RERG: variants seen among roughly 807,000 people sequenced by gnomAD.
The protein encoded by RERG is ras-related and estrogen-regulated growth inhibitor.
Under a neutral mutation model 23.2 loss-of-function variants are expected in RERG, and 25 were observed. The ratio of observed to expected loss-of-function variants is 1.08; its 90% confidence interval spans 0.79 to 1.50. RERG has a LOEUF of 1.50. Among genes scored for constraint, RERG ranks in the 40% most tolerant of loss-of-function variants. The probability of loss-of-function intolerance (pLI) is 0.00; values close to 1 mark genes in which losing one functional copy is unlikely to be tolerated. For synonymous variants in RERG, 81 were observed against 89.1 expected, an observed-to-expected ratio of 0.91 and a Z score of 0.51; for missense variants, 253 against 250.1, an observed-to-expected ratio of 1.01 and a Z score of -0.08.
At chr12:15,165,633 C>G (rs941600617) in intron 2 of RERG, among the ~76,000 whole-genome samples, 61 of 152,118 alleles carry the variant, frequency 4.0e-4, no homozygotes, top group African/African-American at 1.4e-3. Context: ...ACAACTCTCC[C>G]CAGATGAGCC....
At chr12:15,163,657 C>T (rs1864645653) in intron 2 of RERG, among the ~76,000 whole-genome samples, 1 of 152,096 alleles carries the variant, frequency 6.6e-6, no homozygotes, top group Non-Finnish European at 1.5e-5. Flanking sequence ...ACCTGAGAAG[C>T]CATTAGGAGA....
chr12:15,149,562 G>C (rs778466069), intron 2 of RERG, among the ~76,000 whole-genome samples: 13 of 152,170 alleles, frequency 8.5e-5, no homozygotes, highest in Non-Finnish European at 1.3e-4. Context: ...AATGTGACCT[G>C]TGTTGCATAC....
chr12:15,199,234 G>A (rs545356388), intron 2 of RERG, among the ~76,000 whole-genome samples: 4 of 152,080 alleles, frequency 2.6e-5, no homozygotes, highest in Non-Finnish European at 4.4e-5. Context: ...AATTGGCAAC[G>A]TGAGGTACTC....
At position 15,221,206 on chromosome 12, in the gene RERG, C is replaced by T. The variant is rs1865508145; in HGVS notation, c.-126G>A. ...TGCGTGACACTCACCTGTTCACACT[C>T]TCCAGGCCAGGAGAGCTACGGTCCT... On this transcript the variant is annotated 5_prime_UTR_variant, in exon 1 of 5. Transcript: ENST00000256953. 1 of 152,338 alleles carries T rather than the reference C, an allele frequency of 6.6e-6. No homozygotes were observed. Among genetic ancestry groups the T allele is most frequent in the Non-Finnish European group, 1.5e-5 (1 of 68,130 alleles). 9.4% of individuals were successfully genotyped at this position (152,338 alleles called of 1,614,324 possible). A position where few individuals can be genotyped will look rare whatever the true frequency, so the allele number is the denominator to read the frequency against.
intron 2 of RERG, among the ~76,000 whole-genome samples, chr12:15,214,908 G>C (rs554317236): frequency 6.6e-6 from 1 of 152,104 alleles, no homozygotes; most frequent in South Asian, 2.1e-4. Flanking sequence ...TATGGAAAAA[G>C]GTTTCACAAT....
intron 4 of RERG, among the ~76,000 whole-genome samples, chr12:15,110,255 C>T (rs978356160): frequency 7.9e-5 from 12 of 151,984 alleles, no homozygotes; most frequent in Non-Finnish European, 1.3e-4. Flanking sequence ...CATGCACCTC[C>T]CTGCTGCCTC....
Position 15,166,853 on chromosome 12 carries a change from GT to G in RERG, c.62-45735del, listed in dbSNP as rs1230360567. On this transcript the variant is annotated intron_variant, in intron 2 of 4. Coordinates refer to ENST00000256953, the MANE Select transcript of RERG (RefSeq NM_032918.3). ...CATGTCTGACACATTATTGTTTTTTGTTTTTTTTTTATTATACTTTAAGTTT... is the reference window on the plus strand; with the variant it reads ...CATGTCTGACACATTATTGTTTTTTGTTTTTTTTTATTATACTTTAAGTTT... 1.4e-3 allele frequency among the ~76,000 whole-genome samples: 187 copies of G among 137,660 alleles called. 1 individual carries two copies. The highest frequency in any genetic ancestry group is 8.9e-3 in the South Asian group (38 of 4,274). The allele number at this position is 137,660 out of a possible 152,430, so 90.3% of individuals were successfully genotyped here. A position where few individuals can be genotyped will look rare whatever the true frequency, so the allele number is the denominator to read the frequency against.
At chr12:15,114,587 G>A (rs1307206482) in intron 3 of RERG, 1 of 152,156 alleles carries the variant, frequency 6.6e-6, no homozygotes, top group African/African-American at 2.4e-5. Flanking sequence ...TATAATGCCT[G>A]ACTAGGTTAC....
chr12:15,201,135 A>G (rs1865209310), intron 2 of RERG, among the ~76,000 whole-genome samples: 1 of 151,914 alleles, frequency 6.6e-6, no homozygotes, highest in South Asian at 2.1e-4. Context: ...CTGGTTCCTC[A>G]CTTTTTTTCT....
At chr12:15,160,916 C>T (rs759979957) in intron 2 of RERG, among the ~76,000 whole-genome samples, 21 of 151,910 alleles carry the variant, frequency 1.4e-4, no homozygotes, top group Non-Finnish European at 2.4e-4. Context: ...GCAGGCAGAT[C>T]ATCAGGTTAG....
rs80184869 is a variant in RERG, at chr12:15,210,332, G to T, written c.61+7097C>A. 7.7e-3 allele frequency among the ~76,000 whole-genome samples: 1,171 copies of T among 152,192 alleles called. 15 individuals carry two copies. Among genetic ancestry groups the T allele is most frequent in the African/African-American group, 0.027 (1,120 of 41,506 alleles). On this transcript the variant is annotated intron_variant, in intron 2 of 4. Coordinates refer to ENST00000256953, the MANE Select transcript of RERG (RefSeq NM_032918.3). ...CAGAAACATTGCAATGAATAAATTA[G>T]CCATTAGTTTAAAATAAAGGACAAT...
At chr12:15,170,012 T>C (rs192523359) in intron 2 of RERG, among the ~76,000 whole-genome samples, 1 of 149,994 alleles carries the variant, frequency 6.7e-6, no homozygotes, top group Non-Finnish European at 1.5e-5. Context: ...GACCAGATGA[T>C]GAGACCCAGC....
At chr12:15,152,106 T>G (rs1864453094) in intron 2 of RERG, 1 of 152,208 alleles carries the variant, frequency 6.6e-6, no homozygotes, top group South Asian at 2.1e-4. Context: ...AAAGTACCAT[T>G]GCTGTTCAGT....
intron 3 of RERG, among the ~76,000 whole-genome samples, chr12:15,111,690 T>C (rs992527544): frequency 6.6e-6 from 1 of 150,474 alleles, no homozygotes; most frequent in South Asian, 2.1e-4. Context: ...ACTTTCCTTT[T>C]TTTTTTTTTT....
chr12:15,157,248 C>A (rs1048298589), intron 2 of RERG, among the ~76,000 whole-genome samples: 15 of 152,152 alleles, frequency 9.9e-5, no homozygotes, highest in Non-Finnish European at 1.5e-5. Context: ...TCAGGGCATA[C>A]CAGAATAGCT....
At chr12:15,164,687 C>A (rs1372759783) in intron 2 of RERG, among the ~76,000 whole-genome samples, 1 of 152,174 alleles carries the variant, frequency 6.6e-6, no homozygotes, top group East Asian at 1.9e-4. Context: ...GTTTACTTTG[C>A]TGGGCTTGGA....
At chr12:15,165,840 C>T (rs76481602) in intron 2 of RERG, among the ~76,000 whole-genome samples, 4,224 of 152,200 alleles carry the variant, frequency 0.028, 210 homozygotes, top group African/African-American at 0.096. Context: ...CCTGCCAATC[C>T]TAGGATCTTA....
At chr12:15,205,366 C>T (rs530301819) in intron 2 of RERG, among the ~76,000 whole-genome samples, 2 of 152,014 alleles carry the variant, frequency 1.3e-5, no homozygotes, top group East Asian at 1.9e-4. Flanking sequence ...CCTAAGAAAT[C>T]GTGGGTTAAA....
chr12:15,171,443 G>T (rs1864776686), intron 2 of RERG, among the ~76,000 whole-genome samples: 2 of 152,162 alleles, frequency 1.3e-5, no homozygotes, highest in South Asian at 4.1e-4. Context: ...GATAAGGCTG[G>T]ACTGTGGATT....
Sources: allele counts gnomAD v4.1 joint callset (sites outside exome capture counted in the v4.1 genomes callset), GRCh38; gene constraint gnomAD v4.1.1; transcripts MANE v1.5; gene names NCBI Gene and HGNC (gene_info 2026-07-23, HGNC 2026-07-21).